Variants in DPP10 observed in about 807,000 individuals in gnomAD.
DPP10 encodes the protein dipeptidyl peptidase like 10.
Under a neutral mutation model 120.9 loss-of-function variants are expected in DPP10, and 33 were observed. That is an observed-to-expected ratio of 0.27 (90% CI 0.21 to 0.37). DPP10 has a LOEUF of 0.37. Ranked by LOEUF, DPP10 falls within the 10% of genes least tolerant of loss-of-function variation. The pLI is 1.00. For missense variants in DPP10, 816 were observed against 942.8 expected, an observed-to-expected ratio of 0.87 and a Z score of 1.76; for synonymous variants, 337 against 326.1, an observed-to-expected ratio of 1.03 and a Z score of -0.36.
intron 7 of DPP10, among the ~76,000 whole-genome samples, chr2:115,707,719 G>T (rs1342279172): frequency 6.6e-6 from 1 of 151,730 alleles, no homozygotes; most frequent in Non-Finnish European, 1.5e-5. Context: ...GACTTCTTCA[G>T]AAGCCATTAA....
chr2:115,377,944 T>G (rs1441982142), intron 3 of DPP10, among the ~76,000 whole-genome samples: 1 of 152,012 alleles, frequency 6.6e-6, no homozygotes, highest in Non-Finnish European at 1.5e-5. Context: ...CATGCTGTTT[T>G]GGTTACTGTA....
At chr2:115,233,022 C>T (rs75450247) in intron 1 of DPP10, among the ~76,000 whole-genome samples, 2,114 of 116,754 alleles carry the variant, frequency 0.018, 57 homozygotes, top group African/African-American at 0.068. Context: ...GCAACTTTAT[C>T]GATAGTGTCT....
chr2:115,358,263 T>C (rs1482118950), intron 3 of DPP10, among the ~76,000 whole-genome samples: 1 of 152,162 alleles, frequency 6.6e-6, no homozygotes, highest in African/African-American at 2.4e-5. Flanking sequence ...TGCTGCCAGA[T>C]ATGCTAAATT....
intron 5 of DPP10, among the ~76,000 whole-genome samples, chr2:115,571,946 A>G (rs1187618304): frequency 2.6e-5 from 4 of 152,030 alleles, no homozygotes; most frequent in East Asian, 1.9e-4. Context: ...ATTATTACGG[A>G]CCATTTTTCT....
chr2:114,793,926 A>G (rs1487941306), intron 1 of DPP10, among the ~76,000 whole-genome samples: 2 of 152,192 alleles, frequency 1.3e-5, no homozygotes, highest in African/African-American at 4.8e-5. Flanking sequence ...GAGAGCAAAT[A>G]CAATACCTCT....
At chr2:114,618,855 AT>A (rs1693868957) in intron 1 of DPP10, among the ~76,000 whole-genome samples, 1 of 152,012 alleles carries the variant, frequency 6.6e-6, no homozygotes, top group African/African-American at 2.4e-5. Flanking sequence ...CACTATATAC[AT>A]ATATAAGAGA....
chr2:114,809,147 T>C (rs377220699), intron 1 of DPP10, among the ~76,000 whole-genome samples: 2 of 152,164 alleles, frequency 1.3e-5, no homozygotes, highest in African/African-American at 4.8e-5. Flanking sequence ...GGATGTTCAG[T>C]AATATTAATA....
intron 1 of DPP10, among the ~76,000 whole-genome samples, chr2:115,145,749 C>A (rs181741348): frequency 3.3e-4 from 50 of 152,154 alleles, no homozygotes; most frequent in Non-Finnish European, 2.2e-4. Flanking sequence ...GTGGCTGTAC[C>A]ATTTTGTGTT....
chr2:115,345,200 T>C (rs959528886), intron 3 of DPP10, among the ~76,000 whole-genome samples: 65 of 152,348 alleles, frequency 4.3e-4, no homozygotes, highest in African/African-American at 1.5e-3. Context: ...TGTGATGATA[T>C]TACGGATAAA....
intron 3 of DPP10, among the ~76,000 whole-genome samples, chr2:115,450,120 A>G (rs1400666): frequency 6.6e-6 from 1 of 151,804 alleles, no homozygotes; most frequent in Non-Finnish European, 1.5e-5. Context: ...GAATATCATA[A>G]GTCAAAAATG....
chr2:114,906,214 C>G (rs1360977421), intron 1 of DPP10, among the ~76,000 whole-genome samples: 1 of 147,486 alleles, frequency 6.8e-6, no homozygotes, highest in Non-Finnish European at 1.5e-5. Context: ...CCCATCTCCA[C>G]TAAAAATATA....
intron 1 of DPP10, among the ~76,000 whole-genome samples, chr2:114,460,179 AT>A (rs1434812211): frequency 2.6e-5 from 2 of 75,548 alleles, no homozygotes; most frequent in African/African-American, 7.4e-5. Flanking sequence ...ATATCTATCT[AT>A]CTATCTATCT....
At chr2:114,921,677 C>T (rs11883685) in intron 1 of DPP10, among the ~76,000 whole-genome samples, 4,012 of 152,308 alleles carry the variant, frequency 0.026, 176 homozygotes, top group African/African-American at 0.092. Context: ...TTTCTTATCA[C>T]TGTATTCATC....
At chr2:115,542,546 G>A (rs1361764619) in intron 5 of DPP10, among the ~76,000 whole-genome samples, 1 of 151,878 alleles carries the variant, frequency 6.6e-6, no homozygotes, top group Non-Finnish European at 1.5e-5. Context: ...CCTAAGTGTC[G>A]ACCTAAGGAA....
Position 115,843,455 on chromosome 2 carries a change from A to G in DPP10, c.*1110A>G, listed in dbSNP as rs1456528096. The G allele has an allele frequency of 6.6e-6, 1 of 152,336 alleles. No individual in the cohort carries two copies. Among genetic ancestry groups the G allele is most frequent in the Non-Finnish European group, 1.5e-5 (1 of 68,010 alleles). The allele number at this position is 152,336 out of a possible 1,614,324, so 9.4% of individuals were successfully genotyped here. ...TTTCATCGTAAAAGCAAATAGCTGG[A>G]TTATTTCATTTGCCAGTTTCTATTT... On this transcript the variant is annotated 3_prime_UTR_variant, in exon 26 of 26. Coordinates refer to ENST00000410059, the MANE Select transcript of DPP10 (RefSeq NM_020868.6).
At chr2:115,727,745 T>C in intron 7 of DPP10, 71 bp from the exon 8 acceptor site, 2 of 1,481,648 alleles carry the variant, frequency 1.3e-6, no homozygotes, top group Non-Finnish European at 9.0e-7. Context: ...GTGATCATTC[T>C]GTAATATTAA....
intron 1 of DPP10, among the ~76,000 whole-genome samples, chr2:114,829,167 T>C (rs1463966981): frequency 1.3e-5 from 2 of 151,622 alleles, no homozygotes; most frequent in African/African-American, 4.8e-5. Context: ...CAGGCAACTG[T>C]AATCTCAGCT....
intron 1 of DPP10, among the ~76,000 whole-genome samples, chr2:114,760,539 A>AATAT (rs757017581): frequency 2.0e-5 from 3 of 149,120 alleles, no homozygotes; most frequent in African/African-American, 4.9e-5. Context: ...CTATATATTA[A>AATAT]ATATATATAT....
At chr2:115,535,373 C>G (rs546535931) in intron 5 of DPP10, among the ~76,000 whole-genome samples, 1 of 151,974 alleles carries the variant, frequency 6.6e-6, no homozygotes, top group African/African-American at 2.4e-5. Flanking sequence ...ATAGGGAATC[C>G]TTTCCCCATT....
Sources: allele counts gnomAD v4.1 joint callset (sites outside exome capture counted in the v4.1 genomes callset), GRCh38; gene constraint gnomAD v4.1.1; transcripts MANE v1.5; gene names NCBI Gene and HGNC (gene_info 2026-07-23, HGNC 2026-07-21).